Variants in ARHGEF38 observed in about 807,000 individuals in gnomAD.
ARHGEF38 encodes the protein Rho guanine nucleotide exchange factor 38.
A neutral mutation model predicts 79.9 loss-of-function variants in ARHGEF38; 79 were observed. That is an observed-to-expected ratio of 0.99 (90% CI 0.82 to 1.19). The LOEUF (loss-of-function observed/expected upper bound fraction) is 1.19. Ranked by LOEUF, ARHGEF38 falls within the 50% of genes most tolerant of loss-of-function variation. The pLI is 0.00. For synonymous variants in ARHGEF38, 366 were observed against 328.3 expected, an observed-to-expected ratio of 1.11 and a Z score of -1.24; for missense variants, 962 against 907.2, an observed-to-expected ratio of 1.06 and a Z score of -0.78.
chr4:105,561,614 T>A (rs1438579542), intron 1 of ARHGEF38: 1 of 151,722 alleles, frequency 6.6e-6, no homozygotes, highest in East Asian at 1.9e-4. Flanking sequence ...TTTTTGGGAG[T>A]CCCTCCCTGA....
chr4:105,563,885 A>G (rs1355180225), intron 1 of ARHGEF38, among the ~76,000 whole-genome samples: 2 of 152,226 alleles, frequency 1.3e-5, no homozygotes, highest in Non-Finnish European at 2.9e-5. Context: ...GAAATTAGAA[A>G]GATATGTACT....
chr4:105,603,989 G>A (rs2110479228), intron 2 of ARHGEF38, among the ~76,000 whole-genome samples: 1 of 152,234 alleles, frequency 6.6e-6, no homozygotes, highest in East Asian at 1.9e-4. Flanking sequence ...TAACCTTTTT[G>A]GTATGTTTAC....
chr4:105,596,467 T>C (rs919190039), intron 2 of ARHGEF38, among the ~76,000 whole-genome samples: 1 of 152,054 alleles, frequency 6.6e-6, no homozygotes, highest in African/African-American at 2.4e-5. Context: ...GAACACAGTA[T>C]AGATCCAAGT....
intron 3 of ARHGEF38, among the ~76,000 whole-genome samples, chr4:105,629,803 G>A: frequency 6.6e-6 from 1 of 151,964 alleles, no homozygotes; most frequent in Non-Finnish European, 1.5e-5. Context: ...TTAAATGCCT[G>A]GATACAATTA....
chr4:105,649,301 G>A (rs1468276509), intron 7 of ARHGEF38, among the ~76,000 whole-genome samples: 1 of 152,146 alleles, frequency 6.6e-6, no homozygotes, highest in East Asian at 1.9e-4. Context: ...AGATGGATTA[G>A]CAAAGACTCT....
intron 1 of ARHGEF38, among the ~76,000 whole-genome samples, chr4:105,581,871 C>G (rs1726806497): frequency 6.6e-6 from 1 of 151,892 alleles, no homozygotes; most frequent in Non-Finnish European, 1.5e-5. Flanking sequence ...TTCTTAAAAT[C>G]TCGTATTCCT....
chr4:105,567,738 T>C (rs1245770545), intron 1 of ARHGEF38, among the ~76,000 whole-genome samples: 2 of 152,326 alleles, frequency 1.3e-5, no homozygotes, highest in Non-Finnish European at 1.5e-5. Flanking sequence ...CAATATCCAA[T>C]ATGTAATTTA....
intron 3 of ARHGEF38, among the ~76,000 whole-genome samples, chr4:105,619,893 T>C (rs1227272022): frequency 6.6e-6 from 1 of 152,198 alleles, no homozygotes; most frequent in East Asian, 1.9e-4. Context: ...AATTATGTTA[T>C]CACAAATGAA....
intron 10 of ARHGEF38, among the ~76,000 whole-genome samples, chr4:105,663,469 C>T (rs1403017193): frequency 6.6e-6 from 1 of 152,068 alleles, no homozygotes; most frequent in African/African-American, 2.4e-5. Context: ...CCCATACTCC[C>T]CTCCCCCAAG....
At chr4:105,638,647 C>G (rs1002585639) in intron 5 of ARHGEF38, among the ~76,000 whole-genome samples, 2 of 151,830 alleles carry the variant, frequency 1.3e-5, no homozygotes, top group African/African-American at 4.8e-5. Flanking sequence ...GCAGTGAGTC[C>G]CTCACTTCAC....
At chr4:105,584,281 G>A (rs1051608605) in intron 1 of ARHGEF38, among the ~76,000 whole-genome samples, 14 of 152,112 alleles carry the variant, frequency 9.2e-5, no homozygotes, top group Non-Finnish European at 1.8e-4. Flanking sequence ...ATTTTGAGAA[G>A]CCTATACACT....
chr4:105,643,872 CTTTT>C (rs5860804), intron 5 of ARHGEF38, among the ~76,000 whole-genome samples: 5 of 98,078 alleles, frequency 5.1e-5, no homozygotes, highest in East Asian at 2.7e-4. Context: ...TGCCTTCCTA[CTTTT>C]TTTTTTTTTT....
chr4:105,578,232 A>G (rs934391792), intron 1 of ARHGEF38, among the ~76,000 whole-genome samples: 1 of 152,074 alleles, frequency 6.6e-6, no homozygotes, highest in Admixed American at 6.6e-5. Context: ...TTGTATAGCT[A>G]TGGGGGTTCC....
At chr4:105,591,986 C>T (rs190797479) in intron 2 of ARHGEF38, among the ~76,000 whole-genome samples, 2 of 152,254 alleles carry the variant, frequency 1.3e-5, no homozygotes, top group East Asian at 1.9e-4. Context: ...TGGCAGATAT[C>T]AATGGTTACT....
intron 9 of ARHGEF38, 24 bp from the exon 10 acceptor site, chr4:105,659,030 T>A: frequency 6.6e-7 from 1 of 1,515,354 alleles, no homozygotes; most frequent in South Asian, 1.2e-5. Flanking sequence ...CTCTCTGAAA[T>A]GGGCTCATTT....
At chr4:105,638,585 G>C (rs1729492814) in intron 5 of ARHGEF38, among the ~76,000 whole-genome samples, 1 of 151,938 alleles carries the variant, frequency 6.6e-6, no homozygotes, top group Non-Finnish European at 1.5e-5. Flanking sequence ...ATAAAAATGA[G>C]GACAGTAAAG....
rs527392073 is a variant in ARHGEF38 at position 105,609,642 on chromosome 4, C to T, written c.385-3742C>T. Among the ~76,000 whole-genome samples the T allele has an allele frequency of 5.9e-5, 9 of 152,074 alleles. No homozygotes were observed. In the South Asian group the frequency reaches 6.2e-4, roughly 11 times the overall value. On this transcript the variant is annotated intron_variant, in intron 2 of 13. Transcript: ENST00000420470. ...TATGCAACCACACAAGACCCTGAAGCGCCAAAGCAACCTTGAGCAAAATGA... is the reference window on the plus strand; with the variant it reads ...TATGCAACCACACAAGACCCTGAAGTGCCAAAGCAACCTTGAGCAAAATGA...
At chr4:105,578,176 G>A (rs968353122) in intron 1 of ARHGEF38, among the ~76,000 whole-genome samples, 1 of 152,102 alleles carries the variant, frequency 6.6e-6, no homozygotes, top group African/African-American at 2.4e-5. Flanking sequence ...GATTTCATCA[G>A]TAACCTCAAA....
At chr4:105,610,339 T>G (rs1049917879) in intron 2 of ARHGEF38, among the ~76,000 whole-genome samples, 7 of 152,090 alleles carry the variant, frequency 4.6e-5, no homozygotes, top group African/African-American at 1.7e-4. Context: ...GAAGAAAATT[T>G]TAAAAAAGAA....
Sources: allele counts gnomAD v4.1 joint callset (sites outside exome capture counted in the v4.1 genomes callset), GRCh38; gene constraint gnomAD v4.1.1; transcripts MANE v1.5; gene names NCBI Gene and HGNC (gene_info 2026-07-23, HGNC 2026-07-21).